The following CEP250 variants were observed in gnomAD, a reference collection of about 807,000 sequenced individuals.
CEP250 encodes centrosome-associated protein CEP250.
CEP250 carries 242 observed loss-of-function variants against 315.7 expected under a neutral mutation model. The observed-to-expected ratio is 0.77, with a 90% confidence interval of 0.69 to 0.85. CEP250 has a LOEUF of 0.85. CEP250 is among the 40% of genes least tolerant of loss of function. CEP250 has a pLI of 0.00. For synonymous variants in CEP250, 1,088 were observed against 1,175.0 expected (o/e 0.93, Z 1.51); for missense variants, 2,515 against 2,886.4 (o/e 0.87, Z 2.95).
In CEP250 at chr20:35,502,565, G is replaced by C. The variant is rs772173920; in HGVS notation, c.4196G>C (p.Arg1399Pro). 3 of 1,614,080 alleles carry C rather than the reference G, an allele frequency of 1.9e-6. No individual in the cohort carries two copies. Among genetic ancestry groups the C allele is most frequent in the African/African-American group, 1.3e-5 (1 of 74,932 alleles). ...AAAAATGAGGAAGTAGAGAGTGAGC[G>C]TGAGAGAGCCCAGGCTCTGCAAGAG... ...KLKNEEVESE[R>P]ERAQALQEQG... Residue 1399 changes from arginine (R) to proline (P), a missense_variant, in exon 30 of 35, where the codon CGT becomes CCT. Arg to Pro is a moderately radical substitution (Grantham distance 103). Coordinates refer to ENST00000397527, the MANE Select transcript of CEP250 (RefSeq NM_007186.6).
In CEP250 at chr20:35,503,307, A is replaced by G; in HGVS notation, c.4938A>G (p.Lys1646=). The part of the protein sequence containing the change: ...REQIEELQRQ[K]EHLTQDLERR... ...AGATCGAGGAGCTGCAGAGGCAGAA[A>G]GAGCATCTGACTCAGGATCTCGAGA... The change falls in exon 30 of 35, where the codon AAA becomes AAG. Residue 1646 remains lysine (K), a synonymous_variant. Transcript: ENST00000397527. The surrounding 1 kb of genome is among the most constrained non-coding windows in gnomAD (Gnocchi z 4.2). The G allele has an allele frequency of 6.2e-7, 1 of 1,614,158 alleles. No homozygotes were observed. Among genetic ancestry groups the G allele is most frequent in the Middle Eastern group, 1.7e-4 (1 of 6,060 alleles).
At chr20:35,470,177 GTC>G in intron 10 of CEP250, 191 bp downstream of exon 10, 1 of 613,144 alleles carries the variant, frequency 1.6e-6, no homozygotes, top group Non-Finnish European at 3.0e-6. Context: ...ACTATTGACT[GTC>G]TACTATCCCT....
Position 35,508,236 on chromosome 20 carries a change from G to A in CEP250, c.6906+46G>A, listed in dbSNP as rs2064250185. On this transcript the variant is annotated intron_variant, in intron 32 of 34. Coordinates refer to ENST00000397527, the MANE Select transcript of CEP250 (RefSeq NM_007186.6). ...GTGGGCATGCATCTCCACTTCTCGT[G>A]TGGTCCCTAGAGCATAGGCTCAGTA... 7 of 1,604,724 alleles carry A rather than the reference G, an allele frequency of 4.4e-6. 1 individual carries two copies. Among genetic ancestry groups the A allele is most frequent in the East Asian group, 4.5e-5 (2 of 44,828 alleles).
chr20:35,470,654 G>A (rs1394299869), intron 10 of CEP250, among the ~76,000 whole-genome samples: 8 of 152,242 alleles, frequency 5.3e-5, no homozygotes, highest in African/African-American at 1.9e-4. Context: ...TCGGGAGGCT[G>A]AGGCAGGAGA....
Position 35,480,118 on chromosome 20 carries a change from A to C in CEP250, c.2559A>C (p.Lys853Asn). 6.2e-7 allele frequency: 1 copy of C among 1,612,376 alleles called. No homozygotes were observed. Among genetic ancestry groups the C allele is most frequent in the Non-Finnish European group, 8.5e-7 (1 of 1,179,966 alleles). The part of the protein sequence containing the change: ...ALEQQKAAHE[K>N]EVNQLREKWE... ...AGCAGCAGAAGGCAGCCCATGAGAA[A>C]GAGGTGAACCAGCTCCGGGAGAAAT... is the stretch of plus-strand genomic sequence containing the variant. Residue 853 changes from lysine (K) to asparagine (N), a missense_variant, in exon 20 of 35, where the codon AAA (lysine) becomes AAC (asparagine). Transcript: ENST00000397527.
intron 9 of CEP250, among the ~76,000 whole-genome samples, chr20:35,469,033 G>T (rs759673507): frequency 2.0e-5 from 3 of 152,246 alleles, no homozygotes; most frequent in South Asian, 2.1e-4. Context: ...GTGTGTTAAG[G>T]TTCTTAGAGA....
At chr20:35,472,192 T>A in intron 11 of CEP250, 41 bp downstream of exon 11, 1 of 1,176,326 alleles carries the variant, frequency 8.5e-7, no homozygotes, top group Non-Finnish European at 1.3e-6. Flanking sequence ...AGGTTATGCC[T>A]CCACTCCCCA....
At chr20:35,469,815 C>T in intron 9 of CEP250, 75 bp from the exon 10 acceptor site, 2 of 941,578 alleles carry the variant, frequency 2.1e-6, no homozygotes, top group Non-Finnish European at 3.2e-6. Context: ...GGGGCTGGGG[C>T]TGGGGTGTGC....
intron 33 of CEP250, among the ~76,000 whole-genome samples, chr20:35,509,764 G>A (rs2064301794): frequency 6.6e-6 from 1 of 152,252 alleles, no homozygotes; most frequent in Non-Finnish European, 1.5e-5. Context: ...ATGCCATCCA[G>A]GCCTTTTGGA....
chr20:35,460,248 C>T (rs376013469), intron 3 of CEP250, 143 bp downstream of exon 3: 14 of 152,234 alleles, frequency 9.2e-5, no homozygotes, highest in African/African-American at 3.4e-4. Context: ...CCATTCTATT[C>T]TCCCTACTTT....
intron 26 of CEP250, 48 bp from the exon 27 acceptor site, chr20:35,498,547 T>G: frequency 6.3e-7 from 1 of 1,598,230 alleles, no homozygotes; most frequent in African/African-American, 1.4e-5. Flanking sequence ...TCTGGCTGTT[T>G]CTTTTCATAG....
chr20:35,477,145 G>A (rs1054847009), intron 16 of CEP250, among the ~76,000 whole-genome samples: 6 of 152,050 alleles, frequency 3.9e-5, no homozygotes, highest in African/African-American at 1.2e-4. Context: ...TGAATATCTG[G>A]GATTACAGGC....
At chr20:35,475,683 G>A in intron 15 of CEP250, 37 bp downstream of exon 15, 1 of 1,605,972 alleles carries the variant, frequency 6.2e-7, no homozygotes, top group Non-Finnish European at 8.5e-7. Context: ...TGGGTGGGCG[G>A]CTTCGAAAGT....
Position 35,502,487 on chromosome 20 carries a change from CT to C in CEP250, c.4119del (p.Ala1374LeufsTer8). The C allele has an allele frequency of 6.2e-7, 1 of 1,614,184 alleles. No homozygotes were observed. Among genetic ancestry groups the C allele is most frequent in the Non-Finnish European group, 8.5e-7 (1 of 1,180,028 alleles). On this transcript the variant is annotated frameshift_variant, in exon 30 of 35. Transcript: ENST00000397527. LOFTEE classifies it high-confidence loss of function. ...GTAGAAGCCAGGGCTCAGGCAAGTG[CT>C]GCTGGCATCCTGGAAGAAGACCTGA... is the stretch of plus-strand genomic sequence containing the variant. ...AVVEARAQASAAGILEEDLRT... is the reference protein window; with the variant it reads ...AVVEARAQASXAGILEEDLRT...
rs1374412459 is a variant in CEP250 at position 35,515,132 on chromosome 20, GT to G, written c.*3508del. 6.6e-6 allele frequency: 1 copy of G among 152,502 alleles called. No individual in the cohort carries two copies. Among genetic ancestry groups the G allele is most frequent in the African/African-American group, 2.4e-5 (1 of 41,426 alleles). The allele number at this position is 152,502 out of a possible 1,614,324, so 9.4% of individuals were successfully genotyped here. ...GGGTCTAGCTGTGACCTGGGGATCG[GT>G]TGGAGTAGCTTCTTGACCAGCCGGA... On this transcript the variant is annotated 3_prime_UTR_variant, in exon 35 of 35. Coordinates refer to ENST00000397527, the MANE Select transcript of CEP250 (RefSeq NM_007186.6).
rs973480161 is a variant in CEP250 at position 35,467,051 on chromosome 20, A to C, written c.578A>C (p.Glu193Ala). Reference protein sequence around the residue: ...EVVTFRRHFLEMKSATDRDLM... With the variant: ...EVVTFRRHFLAMKSATDRDLM... ...GTGACATTCCGACGCCACTTCCTGG[A>C]AATGAAGTCAGCTACTGACAGGTCA... The change falls in exon 8 of 35, where the codon GAA becomes GCA. Residue 193 changes from glutamate to alanine, a missense_variant. Coordinates refer to ENST00000397527, the MANE Select transcript of CEP250 (RefSeq NM_007186.6). The C allele has an allele frequency of 2.5e-6, 4 of 1,613,434 alleles. No homozygotes were observed. Among genetic ancestry groups the C allele is most frequent in the Non-Finnish European group, 3.4e-6 (4 of 1,179,630 alleles).
chr20:35,501,756 C>T (rs2064009941), intron 28 of CEP250, 89 bp from the exon 29 acceptor site: 3 of 1,405,940 alleles, frequency 2.1e-6, no homozygotes, highest in African/African-American at 1.4e-5. Flanking sequence ...GAATCTGTTC[C>T]CCATCCTCCA....
At chr20:35,473,239 A>G (rs2063069346) in intron 12 of CEP250, 135 bp from the exon 13 acceptor site, 1 of 680,502 alleles carries the variant, frequency 1.5e-6, no homozygotes, top group African/African-American at 1.8e-5. Context: ...GTCTTCTTGA[A>G]TAGTTGCATC....
chr20:35,469,250 T>G (rs867500840), intron 9 of CEP250, among the ~76,000 whole-genome samples: 15 of 152,030 alleles, frequency 9.9e-5, no homozygotes, highest in Non-Finnish European at 1.9e-4. Flanking sequence ...TGAGCTATGA[T>G]TGCACCACTG....
Sources: allele counts gnomAD v4.1 joint callset (sites outside exome capture counted in the v4.1 genomes callset), GRCh38; gene constraint gnomAD v4.1.1; non-coding constraint Gnocchi (gnomAD v3.1); transcripts MANE v1.5; gene names NCBI Gene and HGNC (gene_info 2026-07-23, HGNC 2026-07-21).